The following EDIL3 variants were observed in gnomAD, a reference collection of about 807,000 sequenced individuals.
EDIL3 encodes the protein EGF-like repeat and discoidin I-like domain-containing protein 3.
EDIL3 carries 37 observed loss-of-function variants against 67.4 expected under a neutral mutation model. The ratio of observed to expected loss-of-function variants is 0.55; its 90% CI spans 0.42 to 0.72. EDIL3 has a LOEUF of 0.72. Ranked by LOEUF, EDIL3 falls within the 30% of genes least tolerant of loss-of-function variation. The probability of loss-of-function intolerance (pLI) is 0.00; values close to 1 mark genes in which losing one functional copy is unlikely to be tolerated. For synonymous variants in EDIL3, 195 were observed against 196.3 expected (o/e 0.99, Z 0.05); for missense variants, 527 against 586.3 (o/e 0.90, Z 1.04).
chr5:84,303,641 T>C (rs780119465), intron 1 of EDIL3, among the ~76,000 whole-genome samples: 1 of 152,174 alleles, frequency 6.6e-6, no homozygotes, highest in Non-Finnish European at 1.5e-5. Flanking sequence ...TATTTTACAT[T>C]TGTGTTGAAT....
chr5:83,984,697 C>A (rs972890508), intron 9 of EDIL3, among the ~76,000 whole-genome samples: 1 of 152,056 alleles, frequency 6.6e-6, no homozygotes, highest in Admixed American at 6.6e-5. Context: ...GGAAGCCAGG[C>A]AGATCATTAT....
At chr5:84,247,479 T>C (rs1362794674) in intron 2 of EDIL3, among the ~76,000 whole-genome samples, 3 of 152,166 alleles carry the variant, frequency 2.0e-5, no homozygotes, top group Non-Finnish European at 2.9e-5. Context: ...TGGCTATTCA[T>C]AGAGTGAAAT....
chr5:84,263,284 A>C (rs146909365), intron 1 of EDIL3, among the ~76,000 whole-genome samples: 128 of 152,278 alleles, frequency 8.4e-4, no homozygotes, highest in African/African-American at 2.9e-3. Flanking sequence ...AGTGTTGCAC[A>C]GTTCTGAGGG....
chr5:84,027,546 T>TTTTTATTTTATTTTATTTTATTTTA lies in EDIL3; in HGVS notation c.1137+32729_1137+32753dup, dbSNP rs3043885. 8.2e-3 allele frequency among the ~76,000 whole-genome samples: 1,193 copies of TTTTTATTTTATTTTATTTTATTTTA among 146,300 alleles called. 12 individuals carry two copies. The highest frequency in any genetic ancestry group is 0.028 in the Middle Eastern group (8 of 282). ...AGTGCTTTTTATGGGACACCATCCATTTTTATTTTATTTTATTTTATTTTA... is the reference window on the plus strand; with the variant it reads ...AGTGCTTTTTATGGGACACCATCCATTTTTATTTTATTTTATTTTATTTTATTTTATTTTATTTTATTTTATTTTA... On this transcript the variant is annotated intron_variant, in intron 9 of 10. Coordinates refer to ENST00000296591, the MANE Select transcript of EDIL3 (RefSeq NM_005711.5).
chr5:84,206,193 G>A (rs1743975996), intron 3 of EDIL3, among the ~76,000 whole-genome samples: 2 of 152,136 alleles, frequency 1.3e-5, no homozygotes, highest in East Asian at 3.9e-4. Flanking sequence ...TCAGGAGCAG[G>A]TTGTTCAGTT....
intron 5 of EDIL3, among the ~76,000 whole-genome samples, chr5:84,128,308 A>G (rs1747902110): frequency 6.6e-6 from 1 of 152,124 alleles, no homozygotes; most frequent in Non-Finnish European, 1.5e-5. Context: ...TCTTCTGAGA[A>G]AGGCGTTTGT....
chr5:83,948,457 CAT>C (rs898293178), intron 10 of EDIL3, among the ~76,000 whole-genome samples: 7 of 151,604 alleles, frequency 4.6e-5, no homozygotes, highest in African/African-American at 1.5e-4. Context: ...TCACGTCAAA[CAT>C]AACATTTTTC....
intron 4 of EDIL3, among the ~76,000 whole-genome samples, chr5:84,148,972 C>CAAA (rs60662947): frequency 2.1e-4 from 18 of 87,032 alleles, no homozygotes; most frequent in African/African-American, 7.3e-4. Context: ...ACAAAAACGA[C>CAAA]AAAAAAAAAA....
chr5:84,265,682 A>G (rs1208538752), intron 1 of EDIL3, among the ~76,000 whole-genome samples: 1 of 152,238 alleles, frequency 6.6e-6, no homozygotes, highest in Non-Finnish European at 1.5e-5. Context: ...GAGCAAAAAC[A>G]CAAATCACTT....
intron 1 of EDIL3, among the ~76,000 whole-genome samples, chr5:84,364,780 A>T (rs1304577852): frequency 6.6e-6 from 1 of 152,000 alleles, no homozygotes; most frequent in East Asian, 1.9e-4. Context: ...TTTAGTTATA[A>T]ATGTTGTTAC....
intron 1 of EDIL3, among the ~76,000 whole-genome samples, chr5:84,330,823 A>G (rs896614313): frequency 1.3e-5 from 2 of 152,120 alleles, no homozygotes; most frequent in African/African-American, 2.4e-5. Context: ...TGCTCCTAGA[A>G]TATTGTGAGG....
At chr5:84,183,162 T>G (rs536573766) in intron 3 of EDIL3, among the ~76,000 whole-genome samples, 1 of 152,316 alleles carries the variant, frequency 6.6e-6, no homozygotes, top group African/African-American at 2.4e-5. Flanking sequence ...TTACTATAAC[T>G]TAGGTCTTCG....
At chr5:84,296,069 A>G (rs1746046699) in intron 1 of EDIL3, among the ~76,000 whole-genome samples, 1 of 152,234 alleles carries the variant, frequency 6.6e-6, no homozygotes, top group Non-Finnish European at 1.5e-5. Flanking sequence ...TATAAAGATA[A>G]TTGTATACTA....
intron 6 of EDIL3, among the ~76,000 whole-genome samples, chr5:84,077,735 A>T (rs1746887061): frequency 6.6e-6 from 1 of 151,996 alleles, no homozygotes; most frequent in Admixed American, 6.6e-5. Flanking sequence ...GGATCTAGCC[A>T]AATCATATCT....
chr5:84,182,246 G>C (rs1036646836), intron 3 of EDIL3, among the ~76,000 whole-genome samples: 4 of 149,146 alleles, frequency 2.7e-5, no homozygotes, highest in African/African-American at 9.9e-5. Flanking sequence ...GGGCAACATG[G>C]TGAAACTCCA....
chr5:84,190,549 A>ATGTGTGTGTGTGTGTGTG (rs1220169426), intron 3 of EDIL3, among the ~76,000 whole-genome samples: 3 of 134,896 alleles, frequency 2.2e-5, no homozygotes, highest in African/African-American at 8.6e-5. Context: ...ATATATATAT[A>ATGTGTGTGTGTGTGTGTG]TATGTGTGTG....
chr5:84,371,247 C>G (rs2665122), intron 1 of EDIL3, among the ~76,000 whole-genome samples: 1,529 of 147,882 alleles, frequency 0.01, 28 homozygotes, highest in African/African-American at 0.036. Context: ...CCAGGCTGTG[C>G]AGTTTAAGCT....
intron 6 of EDIL3, among the ~76,000 whole-genome samples, chr5:84,083,785 A>G (rs1747019123): frequency 6.6e-6 from 1 of 152,226 alleles, no homozygotes; most frequent in Non-Finnish European, 1.5e-5. Context: ...TATCATTTAC[A>G]AATATAGAAG....
intron 3 of EDIL3, among the ~76,000 whole-genome samples, chr5:84,192,874 T>G (rs1743621831): frequency 6.6e-6 from 1 of 151,926 alleles, no homozygotes; most frequent in Non-Finnish European, 1.5e-5. Flanking sequence ...CCCAATAACC[T>G]ATTAATAAGA....
Sources: allele counts gnomAD v4.1 joint callset (sites outside exome capture counted in the v4.1 genomes callset), GRCh38; gene constraint gnomAD v4.1.1; transcripts MANE v1.5; gene names NCBI Gene and HGNC (gene_info 2026-07-23, HGNC 2026-07-21).